Variants in RGL3 observed in about 807,000 individuals in gnomAD.
The protein encoded by RGL3 is ral guanine nucleotide dissociation stimulator-like 3.
RGL3 carries 85 observed loss-of-function variants against 90.6 expected under a neutral mutation model. The observed-to-expected ratio is 0.94, with a 90% CI of 0.79 to 1.12. The LOEUF is 1.12. Ranked by LOEUF, RGL3 falls within the 50% of genes most tolerant of loss-of-function variation. The pLI, the probability that RGL3 is intolerant of heterozygous loss-of-function variation, is 0.00. For missense variants in RGL3, 1,034 were observed against 939.2 expected (o/e 1.10, Z -1.32); for synonymous variants, 408 against 385.5 (o/e 1.06, Z -0.68).
rs1246533119 is a variant in RGL3, at chr19:11,401,395, A to T, written c.1484+616T>A. ...CGGCACTCAACACCACATTCAGCTAATTTTTTTTTTTTTTTTTTGAGACGG... is the reference window on the plus strand; with the variant it reads ...CGGCACTCAACACCACATTCAGCTATTTTTTTTTTTTTTTTTTTGAGACGG... On this transcript the variant is annotated intron_variant, in intron 13 of 18. Transcript: ENST00000380456. Among the ~76,000 whole-genome samples, 14 of 136,120 alleles carry T rather than the reference A, an allele frequency of 1.0e-4. No homozygotes were observed. The East Asian group carries it at 3.0e-3, about 29-fold the overall frequency. The allele number at this position is 136,120 out of a possible 152,430, so 89.3% of individuals were successfully genotyped here. A position where few individuals can be genotyped will look rare whatever the true frequency, so the allele number is the denominator to read the frequency against.
chr19:11,400,198 T>G lies in RGL3; in HGVS notation c.1580+4A>C. 1 of 1,580,172 alleles carries G rather than the reference T, an allele frequency of 6.3e-7. No individual in the cohort carries two copies. Among genetic ancestry groups the G allele is most frequent in the Non-Finnish European group, 8.6e-7 (1 of 1,161,894 alleles). ...ACCGCCCCTACACACACCCCGAGAC[T>G]CACGCACTGAGACGCTTGGTGAGGC... On this transcript the variant is annotated splice_donor_region_variant and intron_variant, in intron 14 of 18. Coordinates refer to ENST00000380456, the MANE Select transcript of RGL3 (RefSeq NM_001035223.4).
chr19:11,398,547 T>C (rs1968616497), intron 16 of RGL3, among the ~76,000 whole-genome samples: 2 of 151,818 alleles, frequency 1.3e-5, no homozygotes, highest in Admixed American at 1.3e-4. Context: ...GGTTTCACCA[T>C]GTTGGCTAGG....
At chr19:11,397,181 C>T (rs1223965615) in intron 18 of RGL3, 63 bp downstream of exon 18, 12 of 1,393,430 alleles carry the variant, frequency 8.6e-6, no homozygotes, top group African/African-American at 2.8e-5. Flanking sequence ...CATCCTTGGG[C>T]GTGGTCAGTC....
chr19:11,397,219 T>G, intron 18 of RGL3, 25 bp downstream of exon 18: 1 of 1,604,590 alleles, frequency 6.2e-7, no homozygotes, highest in Non-Finnish European at 8.5e-7. Flanking sequence ...CCCCCTATCC[T>G]GAGCTCCAAC....
intron 5 of RGL3, among the ~76,000 whole-genome samples, chr19:11,407,485 C>T (rs1009649063): frequency 6.6e-6 from 1 of 151,828 alleles, no homozygotes; most frequent in African/African-American, 2.4e-5. Flanking sequence ...GGTTTGAAGC[C>T]GGGTACTCAA....
chr19:11,415,655 A>T (rs574473990), intron 5 of RGL3, among the ~76,000 whole-genome samples: 5 of 151,966 alleles, frequency 3.3e-5, no homozygotes, highest in South Asian at 4.2e-4. Flanking sequence ...TTGTATTTTT[A>T]GTAGGGATGG....
rs1485502219 is a variant in RGL3, at chr19:11,405,007, GGACAAGGATAAGGTCA to G, written c.1185+124_1185+139del. 3 of 730,006 alleles carry G rather than the reference GGACAAGGATAAGGTCA, an allele frequency of 4.1e-6. No homozygotes were observed. In the East Asian group the frequency reaches 7.4e-5, roughly 18 times the overall value. The allele number at this position is 730,006 out of a possible 1,614,324, so 45.2% of individuals were successfully genotyped here. The stretch of plus-strand genomic sequence containing the variant: ...GAAAGAAAAACGTGCAACCCGCCAG[GGACAAGGATAAGGTCA>G]TTGCTGAGCGGTAGGGAAGGACAGA... On this transcript the variant is annotated intron_variant, in intron 9 of 18. Coordinates refer to ENST00000380456, the MANE Select transcript of RGL3 (RefSeq NM_001035223.4).
Position 11,415,561 on chromosome 19 carries a change from C to T in RGL3, c.637+376G>A, listed in dbSNP as rs1033522741. Among the ~76,000 whole-genome samples, 35 of 152,210 alleles carry T rather than the reference C, an allele frequency of 2.3e-4. 2 individuals are homozygous for T. The highest frequency in any genetic ancestry group is 1.8e-3 in the Admixed American group (28 of 15,270). On this transcript the variant is annotated intron_variant, in intron 5 of 18. Transcript: ENST00000380456. ...CACGATCTCGACTCACCGCAACCTC[C>T]GCCTCCCGGGTTCAAACGATTCTCC...
In RGL3 at chr19:11,410,170, T is replaced by A. The variant is rs566487751; in HGVS notation, c.638-3306A>T. The stretch of plus-strand genomic sequence containing the variant: ...TTTTTATTTTATTTTATTTTATTTT[T>A]TATTTTTTTTAGTAGAGATGGGGTT... On this transcript the variant is annotated intron_variant, in intron 5 of 18. Coordinates refer to ENST00000380456, the MANE Select transcript of RGL3 (RefSeq NM_001035223.4). Among the ~76,000 whole-genome samples the A allele has an allele frequency of 2.2e-3, 326 of 150,978 alleles. 3 individuals carry two copies. The highest frequency in any genetic ancestry group is 7.6e-3 in the African/African-American group (313 of 41,306).
intron 13 of RGL3, among the ~76,000 whole-genome samples, chr19:11,401,283 C>T (rs1968670901): frequency 6.7e-6 from 1 of 149,802 alleles, no homozygotes; most frequent in African/African-American, 2.5e-5. Flanking sequence ...ACTGGAACTG[C>T]AGTGGCGTGA....
rs1293513685 is a variant in RGL3 at position 11,394,399 on chromosome 19, G to A, written c.*3C>T. 6.2e-7 allele frequency: 1 copy of A among 1,608,874 alleles called. No individual in the cohort carries two copies. The highest frequency in any genetic ancestry group is 1.7e-5 in the Admixed American group (1 of 59,974). ...TGTGTCTTGTGGAGAGGACAGGGCTGCCTCAGCTTGGGGAGACAGACAGAG... is the reference window on the plus strand; with the variant it reads ...TGTGTCTTGTGGAGAGGACAGGGCTACCTCAGCTTGGGGAGACAGACAGAG... On this transcript the variant is annotated 3_prime_UTR_variant, in exon 19 of 19. Transcript: ENST00000380456.
intron 7 of RGL3, 117 bp downstream of exon 7, chr19:11,406,302 C>G (rs3810311): frequency 0.038 from 40,531 of 1,075,528 alleles, 1,214 homozygotes; most frequent in East Asian, 0.17. Context: ...TAGGTATCAA[C>G]TTTCCACCCC....
rs1430851163 is a variant in RGL3 at position 11,400,033 on chromosome 19, T to A, written c.1649+7A>T. On this transcript the variant is annotated splice_region_variant and intron_variant, in intron 15 of 18. Coordinates refer to ENST00000380456, the MANE Select transcript of RGL3 (RefSeq NM_001035223.4). Reference sequence around the variant, plus strand: ...TCCCCAGTCCCATCACCAAGCAGAATGCTCACCTGGAGGTGGGGGATGAGG... The same window carrying A: ...TCCCCAGTCCCATCACCAAGCAGAAAGCTCACCTGGAGGTGGGGGATGAGG... 6.2e-7 allele frequency: 1 copy of A among 1,603,098 alleles called. No individual in the cohort carries two copies. The highest frequency in any genetic ancestry group is 8.5e-7 in the Non-Finnish European group (1 of 1,176,560).
Position 11,418,676 on chromosome 19 carries a change from T to C in RGL3, c.142A>G (p.Ser48Gly). Residue 48 changes from serine to glycine, a missense_variant, in exon 2 of 19, where the codon AGC (serine) becomes GGC (glycine). Ser to Gly is a moderately conservative substitution (Grantham distance 56). Transcript: ENST00000380456. ...RRSPAEGPGGSQAPSPIANTF... is the reference protein window; with the variant it reads ...RRSPAEGPGGGQAPSPIANTF... ...CCACCAAACCCCCTCCTCACCTGGC[T>C]GCCCCCGGGGCCCTCCGCCGGGCTC... 6.5e-7 allele frequency: 1 copy of C among 1,549,828 alleles called. No individual in the cohort carries two copies. Among genetic ancestry groups the C allele is most frequent in the Non-Finnish European group, 8.7e-7 (1 of 1,152,722 alleles).
At chr19:11,400,459 G>T (rs1433061572) in intron 13 of RGL3, among the ~76,000 whole-genome samples, 162 bp from the exon 14 acceptor site, 2 of 152,142 alleles carry the variant, frequency 1.3e-5, no homozygotes, top group African/African-American at 2.4e-5. Flanking sequence ...GGGTCATTGA[G>T]CATCAAGGTC....
At chr19:11,400,378 G>T in intron 13 of RGL3, 81 bp from the exon 14 acceptor site, 1 of 1,306,478 alleles carries the variant, frequency 7.7e-7, no homozygotes. Flanking sequence ...TCAGTTGGGA[G>T]GTGGGTTTGG....
chr19:11,401,957 T>C (rs1007932106), intron 13 of RGL3, 54 bp downstream of exon 13: 33 of 1,504,696 alleles, frequency 2.2e-5, no homozygotes, highest in Non-Finnish European at 2.8e-5. Context: ...TGGAATCCAG[T>C]TGGTGACCCA....
rs774674247 is a variant in RGL3, at chr19:11,406,736, T to A, written c.766A>T (p.Thr256Ser). The change falls in exon 6 of 19, where the codon ACC becomes TCC. Residue 256 changes from threonine to serine, a missense_variant. Coordinates refer to ENST00000380456, the MANE Select transcript of RGL3 (RefSeq NM_001035223.4). ...GGGATCCTCACCAAGTCTATGAGGG[T>A]CAGCTGCTCGGCCACCTCGTCCACG... ...FSVDEVAEQL[T>S]LIDLELFSKV... is the part of the protein sequence containing the mutation. 6.2e-7 allele frequency: 1 copy of A among 1,613,814 alleles called. No homozygotes were observed. The highest frequency in any genetic ancestry group is 1.7e-5 in the Admixed American group (1 of 59,974).
Position 11,397,780 on chromosome 19 carries a change from G to A in RGL3, c.1747-183C>T, listed in dbSNP as rs1173738356. 3.9e-5 allele frequency: 21 copies of A among 536,922 alleles called. No individual in the cohort carries two copies. In the East Asian group the frequency reaches 7.3e-4, roughly 19 times the overall value. The allele number at this position is 536,922 out of a possible 1,614,324, so 33.3% of individuals were successfully genotyped here. A position where few individuals can be genotyped will look rare whatever the true frequency, so the allele number is the denominator to read the frequency against. ...TCTCAGCATTTTGGGAGGCCGAGGT[G>A]GGCGGATCACTTGAGGTCGGGAGTT... On this transcript the variant is annotated intron_variant, in intron 16 of 18. Transcript: ENST00000380456.
Sources: allele counts gnomAD v4.1 joint callset (sites outside exome capture counted in the v4.1 genomes callset), GRCh38; gene constraint gnomAD v4.1.1; transcripts MANE v1.5; gene names NCBI Gene and HGNC (gene_info 2026-07-23, HGNC 2026-07-21).